The following TENM4 variants were observed in gnomAD, a reference collection of about 807,000 sequenced individuals.
The protein encoded by TENM4 is teneurin-4.
A neutral mutation model predicts 243.3 loss-of-function variants in TENM4; 82 were observed. That is an observed-to-expected ratio of 0.34 (90% confidence interval 0.28 to 0.40). The LOEUF (loss-of-function observed/expected upper bound fraction) is 0.40, where lower values mean the gene tolerates loss of function less well. TENM4 is among the 10% of genes least tolerant of loss of function. TENM4 has a pLI of 1.00. For missense variants in TENM4, 3,138 were observed against 3,673.3 expected (o/e 0.85, Z 3.77); for synonymous variants, 1,412 against 1,456.3 (o/e 0.97, Z 0.69).
At position 79,143,285 on chromosome 11, in the gene TENM4, A is replaced by G. The variant is rs532622374; in HGVS notation, c.-66+5425T>C. Reference sequence around the variant, plus strand: ...AGACTTGGAACCAACCCAAATGCCCATCAATGATAGACTGGATTAAGAAAA... The same window carrying G: ...AGACTTGGAACCAACCCAAATGCCCGTCAATGATAGACTGGATTAAGAAAA... On this transcript the variant is annotated intron_variant, in intron 4 of 33. Transcript: ENST00000278550. Among the ~76,000 whole-genome samples, 45 of 152,268 alleles carry G rather than the reference A, an allele frequency of 3.0e-4. No homozygotes were observed. The South Asian group carries it at 6.2e-3, about 21-fold the overall frequency.
rs1451733796 is a variant in TENM4, at chr11:78,655,193, A to C, written c.*2865T>G. The C allele has an allele frequency of 6.6e-6, 1 of 152,056 alleles. No individual in the cohort carries two copies. The highest frequency in any genetic ancestry group is 1.5e-5 in the Non-Finnish European group (1 of 68,098). 9.4% of individuals were successfully genotyped at this position (152,056 alleles called of 1,614,324 possible). ...TCACCTGCAGCCCAAATGGAAACCA[A>C]CTCAAAAGGGCCAAGGCCAGAAGCA... On this transcript the variant is annotated 3_prime_UTR_variant, in exon 34 of 34. Coordinates refer to ENST00000278550, the MANE Select transcript of TENM4 (RefSeq NM_001098816.3).
At chr11:79,111,370 C>T (rs1042454761) in intron 4 of TENM4, among the ~76,000 whole-genome samples, 11 of 151,992 alleles carry the variant, frequency 7.2e-5, no homozygotes, top group South Asian at 4.1e-4. Context: ...ACGGTGAAAC[C>T]GCATCTCTAC....
At chr11:78,809,925 A>G (rs1857461977) in intron 14 of TENM4, among the ~76,000 whole-genome samples, 1 of 152,196 alleles carries the variant, frequency 6.6e-6, no homozygotes, top group Non-Finnish European at 1.5e-5. Flanking sequence ...GACCAAAAAC[A>G]CAGGGTCTCA....
intron 6 of TENM4, among the ~76,000 whole-genome samples, chr11:79,005,719 A>T (rs1338228997): frequency 6.6e-6 from 1 of 152,212 alleles, no homozygotes; most frequent in East Asian, 1.9e-4. Flanking sequence ...ACTCCTATCC[A>T]ACACAGTTCT....
At position 78,655,799 on chromosome 11, in the gene TENM4, G is replaced by C. The variant is rs1274991697; in HGVS notation, c.*2259C>G. The C allele has an allele frequency of 6.6e-6, 1 of 152,162 alleles. No homozygotes were observed. The highest frequency in any genetic ancestry group is 1.5e-5 in the Non-Finnish European group (1 of 68,060). 9.4% of individuals were successfully genotyped at this position (152,162 alleles called of 1,614,324 possible). A position where few individuals can be genotyped will look rare whatever the true frequency, so the allele number is the denominator to read the frequency against. On this transcript the variant is annotated 3_prime_UTR_variant, in exon 34 of 34. Coordinates refer to ENST00000278550, the MANE Select transcript of TENM4 (RefSeq NM_001098816.3). Reference sequence around the variant, plus strand: ...GTATGAAGAGTACATTTTGAGAGGCGTAAGTCCCTTCTGGAGGACAAAACT... The same window carrying C: ...GTATGAAGAGTACATTTTGAGAGGCCTAAGTCCCTTCTGGAGGACAAAACT...
At chr11:79,163,916 A>G (rs1219545842) in intron 3 of TENM4, among the ~76,000 whole-genome samples, 1 of 142,772 alleles carries the variant, frequency 7.0e-6, no homozygotes, top group African/African-American at 2.6e-5. Flanking sequence ...GTATATAGGT[A>G]TATATCCATA....
chr11:78,704,022 C>T (rs1292383379), intron 27 of TENM4, among the ~76,000 whole-genome samples: 1 of 132,626 alleles, frequency 7.5e-6, no homozygotes, highest in African/African-American at 3.6e-5. Context: ...CACACACACA[C>T]ACATATATAT....
At chr11:79,070,117 A>G in intron 4 of TENM4, 108 bp from the exon 5 acceptor site, 3 of 1,329,882 alleles carry the variant, frequency 2.3e-6, no homozygotes, top group South Asian at 3.1e-5. Flanking sequence ...AACCCCAGGC[A>G]GTGGAGGAGA....
At chr11:79,197,048 G>A (rs1422101036) in intron 3 of TENM4, among the ~76,000 whole-genome samples, 1 of 152,160 alleles carries the variant, frequency 6.6e-6, no homozygotes, top group African/African-American at 2.4e-5. Context: ...GCCAGACTGG[G>A]GCCCTTTTCC....
intron 2 of TENM4, among the ~76,000 whole-genome samples, chr11:79,293,759 T>G (rs1856396524): frequency 6.6e-6 from 1 of 152,186 alleles, no homozygotes. Flanking sequence ...AGGACTCTGA[T>G]GCTCAATGGC....
chr11:79,016,899 T>C (rs1448513854), intron 6 of TENM4, among the ~76,000 whole-genome samples: 1 of 152,240 alleles, frequency 6.6e-6, no homozygotes, highest in Non-Finnish European at 1.5e-5. Flanking sequence ...TTTCAACACT[T>C]ACTTGCTGGG....
rs935348017 is a variant in TENM4 at position 78,929,338 on chromosome 11, G to A, written c.494-25815C>T. 2.0e-5 allele frequency among the ~76,000 whole-genome samples: 3 copies of A among 152,192 alleles called. No homozygotes were observed. The South Asian group carries it at 6.2e-4, about 32-fold the overall frequency. ...GAATCGGCTACATTACAGTGATTAC[G>A]CATTGCCAAGGAGAAGTCAAAAGAA... On this transcript the variant is annotated intron_variant, in intron 6 of 33. Transcript: ENST00000278550.
chr11:78,829,511 A>G (rs561652333), intron 12 of TENM4, among the ~76,000 whole-genome samples: 1 of 152,206 alleles, frequency 6.6e-6, no homozygotes, highest in East Asian at 1.9e-4. Context: ...GTAAAATGAA[A>G]CCTAGTCAGA....
chr11:79,244,176 T>C (rs1313522014), intron 2 of TENM4, among the ~76,000 whole-genome samples: 2 of 152,182 alleles, frequency 1.3e-5, no homozygotes, highest in Non-Finnish European at 2.9e-5. Flanking sequence ...AGAACTTGCA[T>C]TTTATAAAAG....
intron 12 of TENM4, among the ~76,000 whole-genome samples, chr11:78,819,719 TC>T (rs1307206830): frequency 3.3e-5 from 5 of 152,182 alleles, no homozygotes; most frequent in Non-Finnish European, 7.4e-5. Context: ...TATCCCTCCC[TC>T]CCAGAAGCTC....
At chr11:79,156,292 A>G (rs1218257340) in intron 3 of TENM4, among the ~76,000 whole-genome samples, 1 of 152,244 alleles carries the variant, frequency 6.6e-6, no homozygotes, top group East Asian at 1.9e-4. Context: ...GCACCAATCA[A>G]TAAGTCCTGC....
intron 15 of TENM4, among the ~76,000 whole-genome samples, chr11:78,803,390 T>C (rs1857323188): frequency 1.3e-5 from 2 of 152,204 alleles, no homozygotes; most frequent in Admixed American, 6.5e-5. Flanking sequence ...ATTATCTCCA[T>C]TTTATAGCTT....
rs549793632 is a variant in TENM4 at position 79,320,089 on chromosome 11, C to T, written c.-320-22546G>A. 3.9e-5 allele frequency among the ~76,000 whole-genome samples: 6 copies of T among 152,294 alleles called. No individual in the cohort carries two copies. In the East Asian group the frequency reaches 7.7e-4, roughly 20 times the overall value. ...GAGCATGGAGAGCCCAGAGCGCATA[C>T]GCAAGGCACAGTTCATGGGTTCCCC... is the stretch of plus-strand genomic sequence containing the variant. On this transcript the variant is annotated intron_variant, in intron 1 of 33. Transcript: ENST00000278550.
At chr11:78,865,991 G>A (rs1447971374) in intron 9 of TENM4, among the ~76,000 whole-genome samples, 2 of 152,208 alleles carry the variant, frequency 1.3e-5, no homozygotes, top group Non-Finnish European at 2.9e-5. Context: ...CATTTGTACT[G>A]TTGATGATAA....
Sources: gnomAD v4.1 joint callset for allele counts (sites outside exome capture counted in the v4.1 genomes callset) on GRCh38, gnomAD v4.1.1 for gene constraint, MANE v1.5 for transcripts, NCBI Gene and HGNC (gene_info 2026-07-23, HGNC 2026-07-21) for gene names.